ATP13A3: variants seen among roughly 807,000 people sequenced by gnomAD.
ATP13A3 encodes polyamine-transporting ATPase 13A3.
In ATP13A3, 59 loss-of-function variants were observed where a neutral mutation model predicts 158.1. The observed-to-expected ratio is 0.37, with a 90% CI of 0.30 to 0.46. The LOEUF (loss-of-function observed/expected upper bound fraction) is 0.46. ATP13A3 is among the 20% of genes least tolerant of loss of function. The pLI is 1.00. For synonymous variants in ATP13A3, 491 were observed against 504.3 expected (o/e 0.97, Z 0.35); for missense variants, 1,166 against 1,525.2 (o/e 0.76, Z 3.92).
At chr3:194,444,872 A>C in intron 14 of ATP13A3, 86 bp from the exon 15 acceptor site, 1 of 1,017,186 alleles carries the variant, frequency 9.8e-7, no homozygotes, top group Middle Eastern at 2.3e-4. Context: ...GCAACCACAC[A>C]GCATTAGAAA....
chr3:194,481,973 G>T (rs777731587), intron 2 of ATP13A3, among the ~76,000 whole-genome samples: 1 of 152,166 alleles, frequency 6.6e-6, no homozygotes, highest in Non-Finnish European at 1.5e-5. Context: ...TCTAGCAAAG[G>T]TTCCAATATG....
intron 2 of ATP13A3, among the ~76,000 whole-genome samples, chr3:194,471,290 T>C (rs1720289642): frequency 1.4e-5 from 2 of 141,408 alleles, no homozygotes; most frequent in South Asian, 4.4e-4. Context: ...AAAAAGCATG[T>C]GCCTATAATA....
At position 194,456,800 on chromosome 3, in the gene ATP13A3, T is replaced by C. The variant is rs141512309; in HGVS notation, c.560+294A>G. 6.7e-3 allele frequency among the ~76,000 whole-genome samples: 1,021 copies of C among 152,204 alleles called. 2 individuals carry two copies. The highest frequency in any genetic ancestry group is 0.031 in the Middle Eastern group (9 of 294). On this transcript the variant is annotated intron_variant, in intron 7 of 33. Coordinates refer to ENST00000645319, the MANE Select transcript of ATP13A3 (RefSeq NM_001367549.1). ...ATCAAGAACGACACTTCACCAACTC[T>C]ATGACACATCCCAATCTCAGAGATG...
At chr3:194,444,911 T>G (rs960583539) in intron 14 of ATP13A3, 125 bp from the exon 15 acceptor site, 6 of 659,696 alleles carry the variant, frequency 9.1e-6, no homozygotes, top group Non-Finnish European at 1.5e-5. Flanking sequence ...AATGGAGTTC[T>G]ACAGAGTTAA....
intron 32 of ATP13A3, chr3:194,412,544 C>A (rs749169563): frequency 2.1e-5 from 9 of 429,840 alleles, no homozygotes; most frequent in Non-Finnish European, 3.4e-5. Flanking sequence ...ATAAATAGGT[C>A]TTTCCCATAT....
upstream of ATP13A3, among the ~76,000 whole-genome samples, chr3:194,491,009 T>C (rs972676358): frequency 6.6e-6 from 1 of 152,206 alleles, no homozygotes; most frequent in African/African-American, 2.4e-5. Flanking sequence ...CCAGACGTGG[T>C]GGCGTGCGCC....
At chr3:194,423,015 T>C (rs1338248889) in intron 30 of ATP13A3, among the ~76,000 whole-genome samples, 1 of 151,532 alleles carries the variant, frequency 6.6e-6, no homozygotes, top group African/African-American at 2.4e-5. Context: ...AATGCCTTCA[T>C]AGACAAAGGG....
chr3:194,461,560 C>G (rs1252933828), intron 3 of ATP13A3, among the ~76,000 whole-genome samples: 1 of 152,114 alleles, frequency 6.6e-6, no homozygotes, highest in African/African-American at 2.4e-5. Flanking sequence ...CAGGTGAGCC[C>G]CCCAACAAGC....
At chr3:194,437,702 C>T in intron 17 of ATP13A3, 129 bp from the exon 18 acceptor site, 3 of 1,001,672 alleles carry the variant, frequency 3.0e-6, no homozygotes, top group Non-Finnish European at 4.3e-6. Context: ...TTTTCAAAGT[C>T]AGGATTCAAG....
rs774667765 is a variant in ATP13A3, at chr3:194,459,780, T to C, written c.408+9A>G. On this transcript the variant is annotated intron_variant, in intron 5 of 33. Coordinates refer to ENST00000645319, the MANE Select transcript of ATP13A3 (RefSeq NM_001367549.1). ...TTTTAAAGAAACTTTGACATTAAGA[T>C]CACAATACCTGTTGTGATTCAGTCT... The C allele has an allele frequency of 3.8e-6, 6 of 1,594,618 alleles. No homozygotes were observed. The Admixed American group carries it at 7.0e-5, about 19-fold the overall frequency.
At position 194,431,206 on chromosome 3, in the gene ATP13A3, G is replaced by C. The variant is rs540520325; in HGVS notation, c.2442C>G (p.Val814=). The C allele has an allele frequency of 6.2e-7, 1 of 1,613,284 alleles. No homozygotes were observed. Among genetic ancestry groups the C allele is most frequent in the East Asian group, 2.2e-5 (1 of 44,860 alleles). Residue 814 remains valine, a synonymous_variant, in exon 23 of 34, where the codon GTC becomes GTG. Coordinates refer to ENST00000645319, the MANE Select transcript of ATP13A3 (RefSeq NM_001367549.1). ...IDPEAIPVKL[V]HDSLEDLQMT... ...TTTGAAGATCCTCTAAGCTATCATG[G>C]ACCAATTTAACCGGAATAGCCTGTG...
intron 17 of ATP13A3, among the ~76,000 whole-genome samples, chr3:194,438,619 C>G (rs1266083171): frequency 2.6e-5 from 4 of 152,028 alleles, no homozygotes; most frequent in Admixed American, 6.5e-5. Flanking sequence ...CCTCTTCTAG[C>G]AACATTTCAA....
chr3:194,456,711 AATCTAAGGTGCT>A (rs1719255255), intron 7 of ATP13A3, among the ~76,000 whole-genome samples: 1 of 152,146 alleles, frequency 6.6e-6, no homozygotes. Context: ...TATTTCAGAA[AATCTAAGGTGCT>A]ATCAATTGTA....
At chr3:194,429,838 C>A in intron 26 of ATP13A3, 64 bp from the exon 27 acceptor site, 5 of 1,406,976 alleles carry the variant, frequency 3.6e-6, no homozygotes, top group Non-Finnish European at 4.0e-6. Flanking sequence ...TTCCAAACCA[C>A]AATTTTATCT....
At chr3:194,474,776 AAAATCAAGACACTG>A (rs1390256492) in intron 2 of ATP13A3, among the ~76,000 whole-genome samples, 1 of 152,216 alleles carries the variant, frequency 6.6e-6, no homozygotes, top group African/African-American at 2.4e-5. Flanking sequence ...TACCATAGCT[AAAATCAAGACACTG>A]CTTAGATACA....
At chr3:194,415,814 C>T (rs1577028044) in intron 31 of ATP13A3, among the ~76,000 whole-genome samples, 1 of 152,138 alleles carries the variant, frequency 6.6e-6, no homozygotes. Context: ...TAGCAAAACA[C>T]TGGAACCAAC....
rs368168847 is a variant in ATP13A3, at chr3:194,464,297, G to T, written c.-46-2061C>A. 1.6e-4 allele frequency among the ~76,000 whole-genome samples: 25 copies of T among 152,290 alleles called. 1 individual carries two copies. In the East Asian group the frequency reaches 3.5e-3, roughly 21 times the overall value. On this transcript the variant is annotated intron_variant, in intron 2 of 33. Coordinates refer to ENST00000645319, the MANE Select transcript of ATP13A3 (RefSeq NM_001367549.1). ...AATAACCAGTAAGATACTGAACTCA[G>T]TGCCATTGTGGAAAAGGAGAAACCT...
intron 2 of ATP13A3, among the ~76,000 whole-genome samples, chr3:194,479,666 C>T (rs781405418): frequency 3.3e-5 from 5 of 151,242 alleles, no homozygotes; most frequent in Non-Finnish European, 7.4e-5. Flanking sequence ...ATCTAAAGGT[C>T]ACAAAATTGA....
At position 194,430,198 on chromosome 3, in the gene ATP13A3, A is replaced by C; in HGVS notation, c.2668-17T>G. 1 of 1,613,688 alleles carries C rather than the reference A, an allele frequency of 6.2e-7. No individual in the cohort carries two copies. The stretch of plus-strand genomic sequence containing the variant: ...CTTCAAAGCCTAATAATTTTAAGAA[A>C]ACTGGTTAAGTTTTGTGAATATGAT... On this transcript the variant is annotated splice_polypyrimidine_tract_variant and intron_variant, in intron 25 of 33. Transcript: ENST00000645319.
Sources: gnomAD v4.1 joint callset for allele counts (sites outside exome capture counted in the v4.1 genomes callset) on GRCh38, gnomAD v4.1.1 for gene constraint, MANE v1.5 for transcripts, NCBI Gene and HGNC (gene_info 2026-07-23, HGNC 2026-07-21) for gene names.